Variants in GON4L observed in about 807,000 individuals in gnomAD.
GON4L encodes the protein GON-4-like protein.
Under a neutral mutation model 211.8 loss-of-function variants are expected in GON4L, and 87 were observed. The ratio of observed to expected loss-of-function variants is 0.41; its 90% CI spans 0.35 to 0.49. GON4L has a LOEUF of 0.49. Among genes scored for constraint, GON4L ranks in the 20% least tolerant of loss-of-function variants. GON4L has a pLI of 0.15. For missense variants in GON4L, 2,155 were observed against 2,659.5 expected (o/e 0.81, Z 4.17); for synonymous variants, 875 against 962.6 (o/e 0.91, Z 1.68).
intron 2 of GON4L, among the ~76,000 whole-genome samples, chr1:155,842,957 G>GA (rs1263282757): frequency 6.6e-6 from 1 of 152,108 alleles, no homozygotes; most frequent in African/African-American, 2.4e-5. Flanking sequence ...AAACTTCGGG[G>GA]AATCACTAGC....
chr1:155,814,355 T>A lies in GON4L; in HGVS notation c.1256A>T (p.Asp419Val), dbSNP rs753980715. The change falls in exon 9 of 32, where the codon GAT becomes GTT. Residue 419 changes from aspartate (D) to valine (V), a missense_variant. This residue lies in a region of GON4L where 551 missense variants were observed against 854.0 expected (regional missense o/e 0.65). Coordinates refer to ENST00000368331, the MANE Select transcript of GON4L (RefSeq NM_001282860.2). ...LRQSSEMTET[D>V]EESGILSEAE... ...CTCTGATAATATGCCACTCTCCTCA[T>A]CTGTTTCAGTCATCTCAGAAGACTG... The A allele has an allele frequency of 3.7e-6, 6 of 1,613,512 alleles. No individual in the cohort carries two copies. The highest frequency in any genetic ancestry group is 5.1e-6 in the Non-Finnish European group (6 of 1,179,462).
chr1:155,832,565 G>A (rs2102350737), intron 2 of GON4L, among the ~76,000 whole-genome samples: 1 of 152,306 alleles, frequency 6.6e-6, no homozygotes, highest in Middle Eastern at 3.4e-3. Flanking sequence ...CTTGAACCTA[G>A]GAAGTGGAGG....
At chr1:155,753,111 A>G in intron 29 of GON4L, 93 bp downstream of exon 29, 1 of 944,554 alleles carries the variant, frequency 1.1e-6, no homozygotes, top group Middle Eastern at 2.2e-4. Flanking sequence ...CCATCCCTGA[A>G]AAGGCTATTT....
chr1:155,811,754 CAAAAAAAAAAA>C (rs145360103), intron 10 of GON4L, among the ~76,000 whole-genome samples: 13 of 33,052 alleles, frequency 3.9e-4, no homozygotes, highest in South Asian at 2.7e-3. Context: ...GACTCTGTCT[CAAAAAAAAAAA>C]AAAAAAAAAA....
At chr1:155,775,485 C>T (rs1336022641) in intron 16 of GON4L, among the ~76,000 whole-genome samples, 1 of 149,292 alleles carries the variant, frequency 6.7e-6, no homozygotes, top group Non-Finnish European at 1.5e-5. Flanking sequence ...GACGGAGTTT[C>T]GCTCTGTCGC....
chr1:155,856,061 A>C (rs774266282), intron 1 of GON4L, among the ~76,000 whole-genome samples: 11 of 151,810 alleles, frequency 7.2e-5, no homozygotes, highest in Non-Finnish European at 1.6e-4. Context: ...CAATAATAGA[A>C]TAAGCCGCCT....
At chr1:155,821,374 T>C (rs992141393) in intron 5 of GON4L, 100 bp downstream of exon 5, 5 of 751,114 alleles carry the variant, frequency 6.7e-6, no homozygotes, top group Non-Finnish European at 1.2e-5. Context: ...TAACCCCAGC[T>C]GCCAAACTGT....
Position 155,757,334 on chromosome 1 carries a change from T to G in GON4L, c.5254-11A>C. ...CATCTGTGTCTTGAGCTGAGGAGAG[T>G]CACAGAGGGAAAGAGGAAGTCTCCA... On this transcript the variant is annotated splice_polypyrimidine_tract_variant and intron_variant, in intron 25 of 31. Transcript: ENST00000368331. 6.2e-7 allele frequency: 1 copy of G among 1,611,968 alleles called. No homozygotes were observed. Among genetic ancestry groups the G allele is most frequent in the Non-Finnish European group, 8.5e-7 (1 of 1,179,142 alleles).
At position 155,853,572 on chromosome 1, in the gene GON4L, TG is replaced by T; in HGVS notation, c.208del (p.Gln70SerfsTer9). 1 of 1,614,222 alleles carries T rather than the reference TG, an allele frequency of 6.2e-7. No individual in the cohort carries two copies. The highest frequency in any genetic ancestry group is 8.5e-7 in the Non-Finnish European group (1 of 1,180,016). ...CAGAGATGTATCCTCCATACCAAGC[TG>T]ATTTCCTGCATCCTGCAAAGACTGT... Reference protein sequence around the residue: ...EVQSLQDAGNQLGMEDTSLSS... With the variant: ...EVQSLQDAGNXLGMEDTSLSS... On this transcript the variant is annotated frameshift_variant, in exon 2 of 32. Coordinates refer to ENST00000368331, the MANE Select transcript of GON4L (RefSeq NM_001282860.2). LOFTEE classifies it high-confidence loss of function.
intron 2 of GON4L, among the ~76,000 whole-genome samples, chr1:155,828,371 A>T (rs1571880178): frequency 6.6e-6 from 1 of 151,652 alleles, no homozygotes; most frequent in East Asian, 1.9e-4. Context: ...GGCACCTGTA[A>T]TCCCAGTTAC....
chr1:155,789,527 G>A (rs1665307014), intron 12 of GON4L, among the ~76,000 whole-genome samples: 1 of 151,866 alleles, frequency 6.6e-6, no homozygotes, highest in African/African-American at 2.4e-5. Flanking sequence ...TGTAATCTCA[G>A]CTGGTCAGGA....
chr1:155,774,679 A>C, intron 17 of GON4L: 1 of 419,414 alleles, frequency 2.4e-6, no homozygotes, highest in Non-Finnish European at 4.5e-6. Flanking sequence ...CATCTTTACC[A>C]GGCCCCAGTT....
intron 2 of GON4L, among the ~76,000 whole-genome samples, chr1:155,847,386 A>G (rs1010376349): frequency 4.6e-5 from 7 of 152,162 alleles, no homozygotes; most frequent in Admixed American, 1.3e-4. Flanking sequence ...CCTGGCCAAC[A>G]TGGCAAAAAC....
At chr1:155,830,542 G>C (rs1669661970) in intron 2 of GON4L, among the ~76,000 whole-genome samples, 1 of 152,036 alleles carries the variant, frequency 6.6e-6, no homozygotes, top group Admixed American at 6.6e-5. Flanking sequence ...CTCCCAAAGT[G>C]CTGGGATTAC....
intron 2 of GON4L, among the ~76,000 whole-genome samples, chr1:155,835,902 A>T (rs1670247745): frequency 6.6e-6 from 1 of 152,230 alleles, no homozygotes; most frequent in Non-Finnish European, 1.5e-5. Flanking sequence ...GAAGAGACCA[A>T]TAATAAGCCA....
intron 2 of GON4L, among the ~76,000 whole-genome samples, chr1:155,828,093 G>A (rs2102311363): frequency 6.6e-6 from 1 of 151,934 alleles, no homozygotes; most frequent in Non-Finnish European, 1.5e-5. Context: ...TGGAGTTCAA[G>A]GCTGCAGTGA....
chr1:155,849,742 CCAGCCTGGGCAA>C (rs1394517938), intron 2 of GON4L, among the ~76,000 whole-genome samples: 1 of 140,666 alleles, frequency 7.1e-6, no homozygotes, highest in Non-Finnish European at 1.5e-5. Context: ...CCACTGCCCT[CCAGCCTGGGCAA>C]CAGAACGAGA....
chr1:155,747,958 T>C (rs1415258085), downstream of GON4L: 3 of 1,569,394 alleles, frequency 1.9e-6, no homozygotes, highest in Non-Finnish European at 2.6e-6. Flanking sequence ...TAATGCAAAC[T>C]GGTTTTTTTC....
chr1:155,824,434 C>CA (rs769823401), intron 3 of GON4L, among the ~76,000 whole-genome samples: 351 of 7,438 alleles, frequency 0.047, 80 homozygotes, highest in African/African-American at 0.1. Context: ...AACTCCACAT[C>CA]AAAAAAAAAA....
Sources: allele counts gnomAD v4.1 joint callset (sites outside exome capture counted in the v4.1 genomes callset), GRCh38; gene constraint gnomAD v4.1.1; regional missense constraint gnomAD v4.1.1; transcripts MANE v1.5; gene names NCBI Gene and HGNC (gene_info 2026-07-23, HGNC 2026-07-21).